Variants in GLB1 observed in about 807,000 individuals in gnomAD.
The protein encoded by GLB1 is beta-galactosidase.
In GLB1, 56 loss-of-function variants were observed where a neutral mutation model predicts 74.0. The ratio of observed to expected loss-of-function variants is 0.76; its 90% CI spans 0.61 to 0.94. The LOEUF is 0.94. GLB1 is among the 40% of genes least tolerant of loss of function. The pLI, the probability that GLB1 is intolerant of heterozygous loss-of-function variation, is 0.00. For missense variants in GLB1, 787 were observed against 845.5 expected (o/e 0.93, Z 0.86); for synonymous variants, 323 against 323.6 (o/e 1.00, Z 0.02).
intron 1 of GLB1, chr3:33,096,372 A>G: frequency 2.0e-6 from 2 of 980,470 alleles, no homozygotes; most frequent in Non-Finnish European, 2.4e-6. Context: ...CCGATCAACG[A>G]TGGCATCCCC....
chr3:33,042,278 T>A (rs1281395054), intron 10 of GLB1, among the ~76,000 whole-genome samples: 1 of 151,920 alleles, frequency 6.6e-6, no homozygotes, highest in Non-Finnish European at 1.5e-5. Flanking sequence ...TGGATTCCCA[T>A]TACATTCAGA....
chr3:33,094,097 C>G, intron 1 of GLB1: 1 of 1,614,248 alleles, frequency 6.2e-7, no homozygotes, highest in Non-Finnish European at 8.5e-7. Flanking sequence ...GCTCAAGGCT[C>G]TCTGCCAGAT....
chr3:33,039,878 A>T (rs1387125599), intron 10 of GLB1, among the ~76,000 whole-genome samples: 1 of 152,206 alleles, frequency 6.6e-6, no homozygotes, highest in African/African-American at 2.4e-5. Flanking sequence ...AGCACTAGAG[A>T]AAAAAAGACC....
intron 15 of GLB1, among the ~76,000 whole-genome samples, chr3:33,013,707 C>T (rs974422930): frequency 4.6e-5 from 7 of 152,112 alleles, no homozygotes; most frequent in Non-Finnish European, 8.8e-5. Context: ...GAAAACCAGA[C>T]AGACTCTCCC....
chr3:33,096,924 G>T (rs1357358300), intron 1 of GLB1, 87 bp downstream of exon 1: 9 of 1,543,288 alleles, frequency 5.8e-6, no homozygotes, highest in Middle Eastern at 3.6e-4. Flanking sequence ...CGCCCTGCGG[G>T]ACCGCGGGTG....
intron 1 of GLB1, among the ~76,000 whole-genome samples, chr3:33,077,803 T>C (rs1700176285): frequency 6.6e-6 from 1 of 152,104 alleles, no homozygotes; most frequent in Non-Finnish European, 1.5e-5. Flanking sequence ...GGCATGCTCA[T>C]TCAGCTCTTA....
At position 33,046,156 on chromosome 3, in the gene GLB1, A is replaced by G. The variant is rs199927127; in HGVS notation, c.1032T>C (p.Thr344=). 2,115 of 1,613,756 alleles carry G rather than the reference A, an allele frequency of 1.3e-3. 10 individuals are homozygous for G. The highest frequency in any genetic ancestry group is 1.0e-3 in the Non-Finnish European group (1,207 of 1,179,972). Residue 344 remains threonine, a synonymous_variant, in exon 10 of 16, where the codon ACT becomes ACC. Coordinates refer to ENST00000307363, the MANE Select transcript of GLB1 (RefSeq NM_000404.4). ...DAPLSEAGDL[T]EKYFALRNII... ...TGTTTCGCAGAGCAAAATACTTCTC[A>G]GTGAGGTCCCCAGCCTCACTCAGTG...
At chr3:33,034,603 T>C in intron 10 of GLB1, 1 of 718,590 alleles carries the variant, frequency 1.4e-6, no homozygotes, top group East Asian at 2.5e-5. Context: ...ATATATGGTC[T>C]CCCAAATTGC....
At chr3:32,976,080 C>T in the GLB1 span, among the ~76,000 whole-genome samples, 1 of 152,156 alleles carries the variant, frequency 6.6e-6, no homozygotes, top group African/African-American at 2.4e-5. Flanking sequence ...TGCAATTTTG[C>T]GAGTGTGACT....
At chr3:33,081,846 G>A (rs766506897) in intron 1 of GLB1, among the ~76,000 whole-genome samples, 2 of 152,212 alleles carry the variant, frequency 1.3e-5, no homozygotes, top group Non-Finnish European at 2.9e-5. Flanking sequence ...ATCAGCAAGA[G>A]TACTGCTTGA....
chr3:33,090,570 G>T (rs890672481), intron 1 of GLB1: 29 of 985,270 alleles, frequency 2.9e-5, no homozygotes, highest in Non-Finnish European at 3.4e-5. Context: ...TTGAAAGAAT[G>T]ATCAAGCTTC....
intron 15 of GLB1, among the ~76,000 whole-genome samples, chr3:33,008,980 G>A (rs1046550823): frequency 1.3e-5 from 2 of 151,994 alleles, no homozygotes; most frequent in South Asian, 2.1e-4. Flanking sequence ...TTAGCCAGGC[G>A]TGGTGGTGCA....
Position 33,052,019 on chromosome 3 carries a change from G to C in GLB1, c.793-15C>G. On this transcript the variant is annotated splice_polypyrimidine_tract_variant and intron_variant, in intron 7 of 15. Coordinates refer to ENST00000307363, the MANE Select transcript of GLB1 (RefSeq NM_000404.4). Reference sequence around the variant, plus strand: ...TCAGAATTGATCTAAAACAAAAAAAGAACGTAGCCCTTAGGATAGACTTAT... The same window carrying C: ...TCAGAATTGATCTAAAACAAAAAAACAACGTAGCCCTTAGGATAGACTTAT... The C allele has an allele frequency of 4.3e-6, 7 of 1,613,514 alleles. No homozygotes were observed. Among genetic ancestry groups the C allele is most frequent in the Non-Finnish European group, 5.9e-6 (7 of 1,180,024 alleles).
chr3:32,967,697 C>T, the GLB1 span, among the ~76,000 whole-genome samples: 5 of 152,134 alleles, frequency 3.3e-5, no homozygotes, highest in African/African-American at 4.8e-5. Context: ...TCTGGGAGCT[C>T]GCCCATGAAT....
chr3:33,024,333 C>T lies in GLB1; in HGVS notation c.1069-8G>A, dbSNP rs570577258. On this transcript the variant is annotated splice_region_variant and splice_polypyrimidine_tract_variant and intron_variant, in intron 10 of 15. Coordinates refer to ENST00000307363, the MANE Select transcript of GLB1 (RefSeq NM_000404.4). ...TTCTGGTACTTTTTCAAACTATAAA[C>T]CAGAGTAGAAAAAGAGAGAAAAGAA... is the stretch of plus-strand genomic sequence containing the variant. 17 of 1,610,502 alleles carry T rather than the reference C, an allele frequency of 1.1e-5. No homozygotes were observed. The highest frequency in any genetic ancestry group is 1.4e-5 in the Non-Finnish European group (17 of 1,179,132).
the GLB1 span, among the ~76,000 whole-genome samples, chr3:32,978,940 TTTG>T: frequency 1.3e-5 from 2 of 150,064 alleles, no homozygotes; most frequent in Admixed American, 1.3e-4. Context: ...TTTTTTTTTT[TTTG>T]TATTTTTAGT....
chr3:33,055,949 CG>C (rs1699196914), intron 6 of GLB1, among the ~76,000 whole-genome samples: 1 of 151,424 alleles, frequency 6.6e-6, no homozygotes, highest in African/African-American at 2.4e-5. Flanking sequence ...GACTACAGAC[CG>C]GGCGCGGTGG....
intron 6 of GLB1, among the ~76,000 whole-genome samples, chr3:33,056,227 CAAAAAAAAAAAAAAAAAAAA>C (rs10559091): frequency 2.1e-5 from 1 of 48,594 alleles, no homozygotes; most frequent in Non-Finnish European, 3.7e-5. Flanking sequence ...AACTCCACCT[CAAAAAAAAAAAAAAAAAAAA>C]AAAAAAAAAG....
rs71630565 is a variant in GLB1, at chr3:33,095,210, CAAAAAA to C, written c.75+1795_75+1800del. On this transcript the variant is annotated intron_variant, in intron 1 of 15. Transcript: ENST00000307363. Reference sequence around the variant, plus strand: ...TGGGCAAAAGAGCGAGACTCTGTCTCAAAAAAAAAAAAAAAAAAAAAAAAAGGAATA... The same window carrying C: ...TGGGCAAAAGAGCGAGACTCTGTCTCAAAAAAAAAAAAAAAAAAAGGAATA... 2.8e-4 allele frequency among the ~76,000 whole-genome samples: 21 copies of C among 75,894 alleles called. No individual in the cohort carries two copies. In the East Asian group the frequency reaches 3.0e-3, roughly 11 times the overall value. 49.8% of individuals were successfully genotyped at this position (75,894 alleles called of 152,430 possible).
Sources: allele counts gnomAD v4.1 joint callset (sites outside exome capture counted in the v4.1 genomes callset), GRCh38; gene constraint gnomAD v4.1.1; transcripts MANE v1.5; gene names NCBI Gene and HGNC (gene_info 2026-07-23, HGNC 2026-07-21).